The following SMC1B variants were observed in gnomAD, a reference collection of about 807,000 sequenced individuals.
SMC1B encodes the protein structural maintenance of chromosomes protein 1B.
In SMC1B, 60 loss-of-function variants were observed where a neutral mutation model predicts 157.9. That is an observed-to-expected ratio of 0.38 (90% CI 0.31 to 0.47). SMC1B has a LOEUF of 0.47. Among genes scored for constraint, SMC1B ranks in the 20% least tolerant of loss-of-function variants. The pLI is 0.99. For missense variants in SMC1B, 1,165 were observed against 1,426.2 expected, an observed-to-expected ratio of 0.82 and a Z score of 2.95; for synonymous variants, 445 against 483.0, an observed-to-expected ratio of 0.92 and a Z score of 1.03.
At chr22:45,376,283 A>G (rs2086882895) in intron 12 of SMC1B, among the ~76,000 whole-genome samples, 1 of 152,174 alleles carries the variant, frequency 6.6e-6, no homozygotes, top group African/African-American at 2.4e-5. Flanking sequence ...TATGAATTGG[A>G]CTACTCTAGG....
Position 45,389,730 on chromosome 22 carries a change from G to T in SMC1B, c.1713C>A (p.Leu571=). 6.2e-7 allele frequency: 1 copy of T among 1,613,834 alleles called. No homozygotes were observed. Among genetic ancestry groups the T allele is most frequent in the Admixed American group, 1.7e-5 (1 of 60,004 alleles). The change falls in exon 10 of 25, where the codon CTC becomes CTA. Residue 571 remains leucine, a synonymous_variant. Transcript: ENST00000357450. Reference sequence around the variant, plus strand: ...TTCTTACATCAAGGTAATCTAGAGCGAGGAATGTCTCAGGTTCAGCTCTTT... The same window carrying T: ...TTCTTACATCAAGGTAATCTAGAGCTAGGAATGTCTCAGGTTCAGCTCTTT... ...KEERAEPETF[L]ALDYLDIKPI...
intron 11 of SMC1B, 34 bp from the exon 12 acceptor site, chr22:45,383,647 T>A: frequency 6.5e-7 from 1 of 1,550,258 alleles, no homozygotes; most frequent in Non-Finnish European, 8.7e-7. Context: ...CCTGGAGAAA[T>A]GTACATAAAG....
At chr22:45,382,005 A>G (rs956661679) in intron 12 of SMC1B, among the ~76,000 whole-genome samples, 2 of 152,250 alleles carry the variant, frequency 1.3e-5, no homozygotes, top group African/African-American at 2.4e-5. Flanking sequence ...TATTCAACAA[A>G]TGATACTTTT....
intron 24 of SMC1B, 118 bp from the exon 25 acceptor site, chr22:45,344,775 G>A (rs1433505819): frequency 4.9e-6 from 3 of 617,930 alleles, no homozygotes; most frequent in Non-Finnish European, 8.6e-6. Flanking sequence ...AACCTAGTAA[G>A]ATATCTGCAT....
intron 4 of SMC1B, among the ~76,000 whole-genome samples, chr22:45,404,757 T>G (rs2087239086): frequency 1.3e-5 from 2 of 152,216 alleles, no homozygotes; most frequent in South Asian, 4.1e-4. Flanking sequence ...TTGACTGATG[T>G]CTTATGTCCC....
intron 12 of SMC1B, among the ~76,000 whole-genome samples, chr22:45,372,577 T>C (rs893214549): frequency 6.6e-6 from 1 of 152,164 alleles, no homozygotes; most frequent in African/African-American, 2.4e-5. Flanking sequence ...ATTAATGACA[T>C]AAATAGGATC....
In SMC1B at chr22:45,393,806, G is replaced by T; in HGVS notation, c.1373C>A (p.Thr458Asn). The part of the protein sequence containing the change: ...CLKEKKQQEE[T>N]LVDEIEKTKS... Reference sequence around the variant, plus strand: ...TGTTTTTTCAATTTCATCCACTAGGGTTTCCTCTTGCTGTTTTTTCTCTTT... The same window carrying T: ...TGTTTTTTCAATTTCATCCACTAGGTTTTCCTCTTGCTGTTTTTTCTCTTT... Residue 458 changes from threonine (T) to asparagine (N), a missense_variant, in exon 9 of 25, where the codon ACC (threonine) becomes AAC (asparagine). By Grantham distance (65) the Thr-to-Asn change is moderately conservative. Transcript: ENST00000357450. 1 of 1,612,252 alleles carries T rather than the reference G, an allele frequency of 6.2e-7. No homozygotes were observed. Among genetic ancestry groups the T allele is most frequent in the South Asian group, 1.1e-5 (1 of 90,884 alleles).
intron 21 of SMC1B, among the ~76,000 whole-genome samples, chr22:45,352,982 T>C (rs5765276): frequency 0.88 from 134,631 of 152,284 alleles, 59,718 homozygotes; most frequent in African/African-American, 0.96. Context: ...GAATCTTGTT[T>C]TCAAAGAATT....
chr22:45,412,927 G>T (rs900168514), intron 1 of SMC1B, among the ~76,000 whole-genome samples: 2 of 152,160 alleles, frequency 1.3e-5, no homozygotes, highest in African/African-American at 2.4e-5. Context: ...CTTCAACTTC[G>T]GATGAGAAGG....
chr22:45,357,531 T>C (rs1425989361), intron 19 of SMC1B, among the ~76,000 whole-genome samples: 2 of 152,218 alleles, frequency 1.3e-5, no homozygotes, highest in Non-Finnish European at 2.9e-5. Flanking sequence ...CTTTTGTTTA[T>C]TGAAGGACTT....
chr22:45,383,294 T>TGA (rs1491561426), intron 12 of SMC1B, among the ~76,000 whole-genome samples, 173 bp downstream of exon 12: 2 of 152,302 alleles, frequency 1.3e-5, no homozygotes, highest in Non-Finnish European at 2.9e-5. Flanking sequence ...TAAATAACTC[T>TGA]GAGATATAAG....
intron 10 of SMC1B, 123 bp from the exon 11 acceptor site, chr22:45,387,169 C>A (rs57347514): frequency 2.4e-6 from 2 of 838,248 alleles, no homozygotes; most frequent in Non-Finnish European, 3.6e-6. Context: ...ATGTACCCAG[C>A]CAGGCGTGAT....
chr22:45,399,086 C>CT lies in SMC1B; in HGVS notation c.1113+8dup, dbSNP rs1198568897. The CT allele has an allele frequency of 1.2e-6, 2 of 1,603,954 alleles. No homozygotes were observed. Among genetic ancestry groups the CT allele is most frequent in the Admixed American group, 3.4e-5 (2 of 58,038 alleles). On this transcript the variant is annotated intron_variant, in intron 6 of 24. Transcript: ENST00000357450. ...AACACAAGATTTCCCCTAAGTTGTCCTTTTTTACCTGACTGGCTTCCAGTT... is the reference window on the plus strand; with the variant it reads ...AACACAAGATTTCCCCTAAGTTGTCCTTTTTTTACCTGACTGGCTTCCAGTT...
At chr22:45,376,351 C>T (rs2086883495) in intron 12 of SMC1B, among the ~76,000 whole-genome samples, 1 of 152,188 alleles carries the variant, frequency 6.6e-6, no homozygotes, top group African/African-American at 2.4e-5. Flanking sequence ...TATGTTGTAG[C>T]ATATGCCACA....
chr22:45,369,988 G>T lies in SMC1B; in HGVS notation c.2386C>A (p.His796Asn). 1 of 1,596,718 alleles carries T rather than the reference G, an allele frequency of 6.3e-7. No individual in the cohort carries two copies. The highest frequency in any genetic ancestry group is 8.5e-7 in the Non-Finnish European group (1 of 1,170,792). The stretch of plus-strand genomic sequence containing the variant: ...TCAATTTCTTGTTGCCGTTTAACAT[G>T]TTTGTTCTCAAATTCACGAATATTT... ...VENIREFENK[H>N]VKRQQEIDQK... is the part of the protein sequence containing the mutation. Residue 796 changes from histidine to asparagine, a missense_variant, in exon 15 of 25, where the codon CAT becomes AAT. His to Asn is a moderately conservative substitution (Grantham distance 68). Coordinates refer to ENST00000357450, the MANE Select transcript of SMC1B (RefSeq NM_148674.5).
At position 45,399,511 on chromosome 22, in the gene SMC1B, CA is replaced by C. The variant is rs575278576; in HGVS notation, c.855-159del. ...ATGGTTGCCAAAGGTTGAGCAAGGT[CA>C]GGGGGAGGGATGAATAAAGCACACG... On this transcript the variant is annotated intron_variant, in intron 5 of 24. Transcript: ENST00000357450. Among the ~76,000 whole-genome samples the C allele has an allele frequency of 3.5e-3, 532 of 152,144 alleles. 1 individual carries two copies. The highest frequency in any genetic ancestry group is 5.0e-3 in the Non-Finnish European group (339 of 68,012).
chr22:45,382,597 G>C (rs927552207), intron 12 of SMC1B, among the ~76,000 whole-genome samples: 2 of 151,866 alleles, frequency 1.3e-5, no homozygotes, highest in African/African-American at 2.4e-5. Context: ...CTTACAATGG[G>C]TGACTGCTAT....
chr22:45,406,020 G>T (rs577999547), intron 4 of SMC1B, among the ~76,000 whole-genome samples: 1 of 152,130 alleles, frequency 6.6e-6, no homozygotes, highest in Admixed American at 6.5e-5. Flanking sequence ...ATATTAACAT[G>T]TAATGAGTTT....
At chr22:45,345,089 T>C (rs1020849189) in intron 24 of SMC1B, among the ~76,000 whole-genome samples, 5 of 152,204 alleles carry the variant, frequency 3.3e-5, no homozygotes, top group African/African-American at 1.2e-4. Flanking sequence ...CTCTGATACT[T>C]TTGGAGGATA....
Sources: gnomAD v4.1 joint callset for allele counts (sites outside exome capture counted in the v4.1 genomes callset) on GRCh38, gnomAD v4.1.1 for gene constraint, MANE v1.5 for transcripts, NCBI Gene and HGNC (gene_info 2026-07-23, HGNC 2026-07-21) for gene names.